Variants in BRIX1 observed in about 807,000 individuals in gnomAD.
The protein encoded by BRIX1 is ribosome biogenesis protein BRX1 homolog.
BRIX1 carries 15 observed loss-of-function variants against 44.0 expected under a neutral mutation model. That is an observed-to-expected ratio of 0.34 (90% CI 0.23 to 0.53). BRIX1 has a LOEUF of 0.53. Ranked by LOEUF, BRIX1 falls within the 20% of genes least tolerant of loss-of-function variation. The probability of loss-of-function intolerance (pLI) is 0.95; values close to 1 mark genes in which losing one functional copy is unlikely to be tolerated. For missense variants in BRIX1, 420 were observed against 432.8 expected (o/e 0.97, Z 0.26); for synonymous variants, 149 against 135.4 (o/e 1.10, Z -0.70).
chr5:34,923,398 C>T lies in BRIX1; in HGVS notation c.663+164C>T, dbSNP rs188399938. ...GGGTTCAAGCTTCTGCTCCCTCAGT[C>T]TCCTGAGTAGCTGGGATTACAAGCA... is the stretch of plus-strand genomic sequence containing the variant. On this transcript the variant is annotated intron_variant, in intron 8 of 9. Coordinates refer to ENST00000336767, the MANE Select transcript of BRIX1 (RefSeq NM_018321.4). 248 of 609,508 alleles carry T rather than the reference C, an allele frequency of 4.1e-4. No homozygotes were observed. The African/African-American group carries it at 4.2e-3, about 10-fold the overall frequency. The allele number at this position is 609,508 out of a possible 1,614,324, so 37.8% of individuals were successfully genotyped here.
At chr5:34,916,007 A>C in intron 1 of BRIX1, 110 bp downstream of exon 1, 1 of 1,312,602 alleles carries the variant, frequency 7.6e-7, no homozygotes, top group Non-Finnish European at 1.0e-6. Context: ...CCCGGGTGTT[A>C]ACGGTAGGTC....
intron 2 of BRIX1, 25 bp downstream of exon 2, chr5:34,918,500 A>C (rs773273895): frequency 7.6e-7 from 1 of 1,319,998 alleles, no homozygotes; most frequent in South Asian, 1.4e-5. Context: ...TATACTTTAG[A>C]AATTTCTATC....
At chr5:34,917,508 C>T (rs1208021248) in intron 1 of BRIX1, among the ~76,000 whole-genome samples, 4 of 150,444 alleles carry the variant, frequency 2.7e-5, no homozygotes, top group Non-Finnish European at 5.9e-5. Flanking sequence ...GGTGCAGTGG[C>T]GGGCACCTGT....
At position 34,922,632 on chromosome 5, in the gene BRIX1, T is replaced by A. The variant is rs773097265; in HGVS notation, c.436+44T>A. On this transcript the variant is annotated intron_variant, in intron 5 of 9. Coordinates refer to ENST00000336767, the MANE Select transcript of BRIX1 (RefSeq NM_018321.4). ...TTTTTTTAGATGAGGAAATTAAAAGTAATCTTTTGAAATAGTTGTGCAAAA... is the reference window on the plus strand; with the variant it reads ...TTTTTTTAGATGAGGAAATTAAAAGAAATCTTTTGAAATAGTTGTGCAAAA... The A allele has an allele frequency of 3.1e-6, 5 of 1,588,814 alleles. No homozygotes were observed. The East Asian group carries it at 1.1e-4, about 36-fold the overall frequency.
chr5:34,919,628 G>A (rs961278510), intron 2 of BRIX1, among the ~76,000 whole-genome samples: 2 of 152,130 alleles, frequency 1.3e-5, no homozygotes, highest in Non-Finnish European at 2.9e-5. Flanking sequence ...AATTCTTACA[G>A]ACTATATTTT....
chr5:34,917,019 T>G (rs970407472), intron 1 of BRIX1, among the ~76,000 whole-genome samples: 1 of 152,310 alleles, frequency 6.6e-6, no homozygotes, highest in East Asian at 1.9e-4. Flanking sequence ...GCAGGAGATA[T>G]AGATTATTTT....
At position 34,922,989 on chromosome 5, in the gene BRIX1, T is replaced by G; in HGVS notation, c.511-12T>G. On this transcript the variant is annotated splice_polypyrimidine_tract_variant and intron_variant, in intron 6 of 9. Coordinates refer to ENST00000336767, the MANE Select transcript of BRIX1 (RefSeq NM_018321.4). ...TCTACTGTTAAATAATATGCTTACC[T>G]TATTTTTATAGGCTTTTGATGAATT... 2 of 1,508,414 alleles carry G rather than the reference T, an allele frequency of 1.3e-6. No individual in the cohort carries two copies. Among genetic ancestry groups the G allele is most frequent in the South Asian group, 1.1e-5 (1 of 87,400 alleles). 93.4% of individuals were successfully genotyped at this position (1,508,414 alleles called of 1,614,324 possible). A position where few individuals can be genotyped will look rare whatever the true frequency, so the allele number is the denominator to read the frequency against.
chr5:34,917,387 A>G (rs1764137452), intron 1 of BRIX1, among the ~76,000 whole-genome samples: 1 of 152,064 alleles, frequency 6.6e-6, no homozygotes, highest in South Asian at 2.1e-4. Flanking sequence ...TAATCCCAGC[A>G]CTTTGGGAGG....
Position 34,922,705 on chromosome 5 carries a change from C to T in BRIX1, c.447C>T (p.Leu149=), listed in dbSNP as rs143239489. The T allele has an allele frequency of 1.2e-4, 186 of 1,613,504 alleles. No individual in the cohort carries two copies. Among genetic ancestry groups the T allele is most frequent in the Non-Finnish European group, 1.5e-4 (180 of 1,179,636 alleles). Residue 149 remains leucine, a synonymous_variant, in exon 6 of 10, where the codon CTC becomes CTT. Transcript: ENST00000336767. The part of the protein sequence containing the change: ...AKFLVQNIHT[L]AELKMTGNCL... ...TTGTAATTTTTCTAGTTCATACCCT[C>T]GCTGAACTGAAGATGACTGGAAACT...
chr5:34,922,569 T>C lies in BRIX1; in HGVS notation c.417T>C (p.Ala139=). 6.2e-7 allele frequency: 1 copy of C among 1,609,654 alleles called. No homozygotes were observed. The highest frequency in any genetic ancestry group is 8.5e-7 in the Non-Finnish European group (1 of 1,176,132). Residue 139 remains alanine, a synonymous_variant, in exon 5 of 10, where the codon GCT becomes GCC. Transcript: ENST00000336767. ...WLSNSPHGPS[A]KFLVQNIHTL... ...CAAATTCACCTCACGGACCATCTGC[T>C]AAATTCCTTGTTCAAAATAGTAAGT...
chr5:34,921,975 G>T, intron 3 of BRIX1: 1 of 261,380 alleles, frequency 3.8e-6, no homozygotes, highest in Non-Finnish European at 7.1e-6. Flanking sequence ...TAGATGCTAG[G>T]CCCAAAAATA....
chr5:34,923,726 A>G (rs888879749), intron 8 of BRIX1, among the ~76,000 whole-genome samples: 1 of 152,190 alleles, frequency 6.6e-6, no homozygotes, highest in Non-Finnish European at 1.5e-5. Flanking sequence ...TTAAACTTTT[A>G]GATAAGGATA....
chr5:34,922,824 T>C, intron 6 of BRIX1, 56 bp downstream of exon 6: 1 of 1,482,204 alleles, frequency 6.7e-7, no homozygotes, highest in Non-Finnish European at 9.4e-7. Context: ...ATGGTTGTTT[T>C]TAGTAGATAT....
At chr5:34,917,623 G>T (rs1764146153) in intron 1 of BRIX1, among the ~76,000 whole-genome samples, 1 of 152,118 alleles carries the variant, frequency 6.6e-6, no homozygotes, top group Admixed American at 6.6e-5. Context: ...CTGGGTGACA[G>T]AGTGAGACTC....
At chr5:34,918,086 T>C in intron 1 of BRIX1, 1 of 214,680 alleles carries the variant, frequency 4.7e-6, no homozygotes, top group Non-Finnish European at 8.9e-6. Context: ...CCAAGCCACT[T>C]GAGCCCAGGT....
At chr5:34,923,257 T>A (rs1266696147) in intron 8 of BRIX1, 23 bp downstream of exon 8, 4 of 1,482,412 alleles carry the variant, frequency 2.7e-6, no homozygotes, top group Non-Finnish European at 3.8e-6. Context: ...TGATTTTTAA[T>A]TATACCTTTT....
rs202209688 is a variant in BRIX1 at position 34,918,496 on chromosome 5, T to C, written c.271+21T>C. On this transcript the variant is annotated intron_variant, in intron 2 of 9. Transcript: ENST00000336767. ...AGCAGGTGCCTTTATATCATATACT[T>C]TAGAAATTTCTATCTATAAACTTAC... 3.6e-6 allele frequency: 5 copies of C among 1,389,042 alleles called. No homozygotes were observed. In the East Asian group the frequency reaches 1.2e-4, roughly 34 times the overall value. 86.0% of individuals were successfully genotyped at this position (1,389,042 alleles called of 1,614,324 possible). A position where few individuals can be genotyped will look rare whatever the true frequency, so the allele number is the denominator to read the frequency against.
chr5:34,916,185 G>GTT (rs539920788), intron 1 of BRIX1: 288 of 227,688 alleles, frequency 1.3e-3, no homozygotes, highest in East Asian at 1.8e-3. Context: ...TTGTTCAGTT[G>GTT]TTTTTTTTTT....
At chr5:34,921,741 A>G (rs753886924) in intron 3 of BRIX1, 10 of 152,518 alleles carry the variant, frequency 6.6e-5, no homozygotes, top group Non-Finnish European at 1.3e-4. Context: ...CCCCATCTCT[A>G]CTAAAAATAC....
Sources: gnomAD v4.1 joint callset for allele counts (sites outside exome capture counted in the v4.1 genomes callset) on GRCh38, gnomAD v4.1.1 for gene constraint, MANE v1.5 for transcripts, NCBI Gene and HGNC (gene_info 2026-07-23, HGNC 2026-07-21) for gene names.